Variants in HVCN1 observed in about 807,000 individuals in gnomAD.
The protein encoded by HVCN1 is voltage-gated hydrogen channel 1.
HVCN1 carries 14 observed loss-of-function variants against 29.2 expected under a neutral mutation model. The ratio of observed to expected loss-of-function variants is 0.48; its 90% CI spans 0.32 to 0.75. The LOEUF (loss-of-function observed/expected upper bound fraction) is 0.75, where lower values mean the gene tolerates loss of function less well. Among genes scored for constraint, HVCN1 ranks in the 30% least tolerant of loss-of-function variants. The pLI, the probability that HVCN1 is intolerant of heterozygous loss-of-function variation, is 0.04. For synonymous variants in HVCN1, 131 were observed against 133.2 expected (o/e 0.98, Z 0.11); for missense variants, 263 against 341.8 (o/e 0.77, Z 1.82).
At chr12:110,655,452 T>A in intron 4 of HVCN1, 114 bp from the exon 5 acceptor site, 1 of 747,272 alleles carries the variant, frequency 1.3e-6, no homozygotes, top group Non-Finnish European at 2.3e-6. Flanking sequence ...GCAAAGCCAT[T>A]AAGGATGGGA....
intron 3 of HVCN1, among the ~76,000 whole-genome samples, chr12:110,682,063 C>A (rs903350943): frequency 6.6e-6 from 1 of 152,260 alleles, no homozygotes; most frequent in Non-Finnish European, 1.5e-5. Flanking sequence ...TCTTGGCTCA[C>A]TGCAACCTCT....
chr12:110,699,281 T>C (rs2069537743), intron 2 of HVCN1, among the ~76,000 whole-genome samples: 1 of 152,212 alleles, frequency 6.6e-6, no homozygotes, highest in African/African-American at 2.4e-5. Context: ...GTGGAACTGC[T>C]CATCCAGGCA....
intron 4 of HVCN1, among the ~76,000 whole-genome samples, chr12:110,657,155 G>C (rs936565324): frequency 2.0e-5 from 3 of 152,196 alleles, no homozygotes; most frequent in South Asian, 2.1e-4. Context: ...GGCTAGGGGA[G>C]GGGGAATGGG....
At chr12:110,656,628 T>C (rs1483240116) in intron 4 of HVCN1, among the ~76,000 whole-genome samples, 1 of 152,230 alleles carries the variant, frequency 6.6e-6, no homozygotes, top group African/African-American at 2.4e-5. Flanking sequence ...CAGTAGATTC[T>C]GGCCTCTGAA....
chr12:110,667,222 C>T (rs941979666), intron 3 of HVCN1, among the ~76,000 whole-genome samples: 2 of 152,166 alleles, frequency 1.3e-5, no homozygotes, highest in Non-Finnish European at 2.9e-5. Flanking sequence ...GCAACCTCCA[C>T]CTCCTGGGTT....
chr12:110,687,666 G>C (rs1016395623), intron 2 of HVCN1, among the ~76,000 whole-genome samples: 2 of 152,140 alleles, frequency 1.3e-5, no homozygotes, highest in Non-Finnish European at 2.9e-5. Flanking sequence ...GTAGGGGGTG[G>C]AGGGGTGGCC....
At chr12:110,672,038 GTTCCT>G (rs1181528328) in intron 3 of HVCN1, among the ~76,000 whole-genome samples, 2 of 152,230 alleles carry the variant, frequency 1.3e-5, no homozygotes, top group Admixed American at 6.5e-5. Context: ...TAACAGGGCA[GTTCCT>G]TTCATCTTTT....
At chr12:110,691,848 G>T (rs928082519), upstream of HVCN1, among the ~76,000 whole-genome samples, 1 of 144,796 alleles carries the variant, frequency 6.9e-6, no homozygotes, top group Non-Finnish European at 1.5e-5. Flanking sequence ...CCACGGTGCA[G>T]TGGTCCAGTC....
intron 1 of HVCN1, among the ~76,000 whole-genome samples, chr12:110,704,346 G>A (rs941881618): frequency 2.0e-5 from 3 of 152,056 alleles, no homozygotes; most frequent in African/African-American, 7.2e-5. Context: ...AAATGTAGAA[G>A]TGTATACAAA....
At chr12:110,653,262 C>T (rs543270206) in intron 5 of HVCN1, among the ~76,000 whole-genome samples, 1 of 152,020 alleles carries the variant, frequency 6.6e-6, no homozygotes, top group South Asian at 2.1e-4. Context: ...GAGTTCAAGA[C>T]CAGCCTGGGC....
At chr12:110,679,710 G>A (rs2068878304) in intron 3 of HVCN1, among the ~76,000 whole-genome samples, 2 of 152,268 alleles carry the variant, frequency 1.3e-5, no homozygotes, top group East Asian at 1.9e-4. Flanking sequence ...AAAATTAGCT[G>A]GGCGCGGTGG....
chr12:110,649,646 GCAGCAGTGA>G (rs2067694368), intron 7 of HVCN1, among the ~76,000 whole-genome samples, 171 bp from the exon 8 acceptor site: 1 of 152,144 alleles, frequency 6.6e-6, no homozygotes, highest in Non-Finnish European at 1.5e-5. Context: ...GCTTCACTGA[GCAGCAGTGA>G]CAGCAGTGAG....
upstream of HVCN1, among the ~76,000 whole-genome samples, chr12:110,690,354 C>T (rs75026037): frequency 2.0e-5 from 3 of 152,206 alleles, no homozygotes; most frequent in Non-Finnish European, 4.4e-5. Context: ...AGGCAACATA[C>T]AGGTTTGGAG....
At chr12:110,659,038 G>C (rs566184214) in intron 4 of HVCN1, among the ~76,000 whole-genome samples, 17 of 152,290 alleles carry the variant, frequency 1.1e-4, no homozygotes, top group Admixed American at 9.8e-4. Context: ...TTGAGGGTTT[G>C]GGATTTCAAA....
chr12:110,692,947 C>T (rs568522073), upstream of HVCN1, among the ~76,000 whole-genome samples: 16 of 152,146 alleles, frequency 1.1e-4, no homozygotes, highest in African/African-American at 3.9e-4. Flanking sequence ...CTCACTGCAG[C>T]CTCAAACTCC....
At chr12:110,654,892 A>G (rs911571922) in intron 5 of HVCN1, among the ~76,000 whole-genome samples, 1 of 152,114 alleles carries the variant, frequency 6.6e-6, no homozygotes, top group Non-Finnish European at 1.5e-5. Flanking sequence ...GTGAATAAAC[A>G]GCAGATCCCC....
rs1206683608 is a variant in HVCN1, at chr12:110,689,054, GC to G, written c.-104+25del. On this transcript the variant is annotated intron_variant, in intron 1 of 7. Transcript: ENST00000242607. The surrounding 1 kb of genome is among the most constrained non-coding windows in gnomAD (Gnocchi z 5.7). ...AAGGGCTGCACGCCAAACGGGGTAC[GC>G]CCCCCGCCCGGCCCGAGCACTTACC... is the stretch of plus-strand genomic sequence containing the variant. 4 of 152,520 alleles carry G rather than the reference GC, an allele frequency of 2.6e-5. No homozygotes were observed. Among genetic ancestry groups the G allele is most frequent in the Admixed American group, 6.5e-5 (1 of 15,284 alleles). 9.4% of individuals were successfully genotyped at this position (152,520 alleles called of 1,614,324 possible). A position where few individuals can be genotyped will look rare whatever the true frequency, so the allele number is the denominator to read the frequency against.
At chr12:110,704,420 G>A (rs1224523976) in intron 1 of HVCN1, among the ~76,000 whole-genome samples, 1 of 151,970 alleles carries the variant, frequency 6.6e-6, no homozygotes, top group Non-Finnish European at 1.5e-5. Flanking sequence ...AGGCTGATGC[G>A]GGCAGATTGC....
At chr12:110,679,584 T>G (rs544558142) in intron 3 of HVCN1, among the ~76,000 whole-genome samples, 1 of 152,310 alleles carries the variant, frequency 6.6e-6, no homozygotes, top group African/African-American at 2.4e-5. Context: ...CCGGGCGCGG[T>G]GGCTCACGCC....
Sources: gnomAD v4.1 joint callset for allele counts (sites outside exome capture counted in the v4.1 genomes callset) on GRCh38, gnomAD v4.1.1 for gene constraint, Gnocchi (gnomAD v3.1) non-coding constraint, MANE v1.5 for transcripts, NCBI Gene and HGNC (gene_info 2026-07-23, HGNC 2026-07-21) for gene names.